Variants in ZNF433 observed in about 807,000 individuals in gnomAD.
ZNF433 encodes zinc finger protein 433.
ZNF433 carries 12 observed loss-of-function variants against 10.6 expected under a neutral mutation model. The ratio of observed to expected loss-of-function variants is 1.13; its 90% CI spans 0.72 to 1.83. ZNF433 has a LOEUF of 1.83. Among genes scored for constraint, ZNF433 ranks in the 40% most tolerant of loss-of-function variants. The pLI, the probability that ZNF433 is intolerant of heterozygous loss-of-function variation, is 0.00. For missense variants in ZNF433, 737 were observed against 798.0 expected (o/e 0.92, Z 0.92); for synonymous variants, 272 against 271.3 (o/e 1.00, Z -0.02).
In ZNF433 at chr19:12,016,276, A is replaced by C; in HGVS notation, c.582T>G (p.Pro194=). Residue 194 remains proline (P), a synonymous_variant, in exon 4 of 4, where the codon CCT becomes CCG. Coordinates refer to ENST00000550507, the MANE Select transcript of ZNF433 (RefSeq NM_001308348.2). ...RHRIMHRGDG[P]YKCKFCGKAL... is the part of the protein sequence containing the mutation. ...CTTTCCCACAAAATTTACACTTATA[A>C]GGTCCATCTCCACGGTGCATTATCC... The C allele has an allele frequency of 6.2e-7, 1 of 1,614,226 alleles. No homozygotes were observed. Among genetic ancestry groups the C allele is most frequent in the Non-Finnish European group, 8.5e-7 (1 of 1,180,028 alleles).
Position 12,035,518 on chromosome 19 carries a change from C to G in ZNF433, c.3+19G>C. ...ACCAGCTCCTCCCCCGCCTCGGGAC[C>G]CCTGGCCCGCACGCTCACCATTTCT... On this transcript the variant is annotated intron_variant, in intron 1 of 3. Coordinates refer to ENST00000550507, the MANE Select transcript of ZNF433 (RefSeq NM_001308348.2). The G allele has an allele frequency of 6.4e-7, 1 of 1,571,152 alleles. No homozygotes were observed. Among genetic ancestry groups the G allele is most frequent in the Non-Finnish European group, 8.6e-7 (1 of 1,158,294 alleles).
intron 1 of ZNF433, among the ~76,000 whole-genome samples, chr19:12,020,287 A>G (rs1331536998): frequency 6.6e-6 from 1 of 152,116 alleles, no homozygotes; most frequent in East Asian, 1.9e-4. Flanking sequence ...AATTTTAAAA[A>G]AAAAAAGCAA....
intron 1 of ZNF433, chr19:12,024,153 T>C (rs1456224329): frequency 6.6e-6 from 1 of 152,214 alleles, no homozygotes; most frequent in Non-Finnish European, 1.5e-5. Flanking sequence ...CTTGGAATTC[T>C]CCAGTCTTCG....
intron 1 of ZNF433, chr19:12,022,336 G>A (rs973890209): frequency 4.2e-6 from 1 of 239,514 alleles, no homozygotes; most frequent in East Asian, 8.6e-5. Context: ...CAGAAACAAT[G>A]CTTATCACTG....
At chr19:12,021,224 A>G (rs1974480011) in intron 1 of ZNF433, among the ~76,000 whole-genome samples, 2 of 151,646 alleles carry the variant, frequency 1.3e-5, no homozygotes, top group African/African-American at 2.4e-5. Context: ...CTCGTGATTC[A>G]CCCACCTCAG....
At chr19:12,026,900 A>G (rs753760309) in intron 1 of ZNF433, 10 of 453,970 alleles carry the variant, frequency 2.2e-5, no homozygotes, top group Non-Finnish European at 3.1e-5. Flanking sequence ...AAGAGTTCCT[A>G]TTATCTGGAA....
chr19:12,032,463 T>C (rs745344503), intron 1 of ZNF433, among the ~76,000 whole-genome samples: 4 of 150,286 alleles, frequency 2.7e-5, no homozygotes, highest in Non-Finnish European at 5.9e-5. Flanking sequence ...TATTAAGAAA[T>C]GGAATATAAG....
rs562514214 is a variant in ZNF433 at position 12,017,202 on chromosome 19, T to C, written c.192-536A>G. ...CTGAATACTGTTTTTTGGTTTTTTT[T>C]GTTTTGTTTTGTTTTTTTGAGATGG... On this transcript the variant is annotated intron_variant, in intron 3 of 3. Coordinates refer to ENST00000550507, the MANE Select transcript of ZNF433 (RefSeq NM_001308348.2). 9.2e-5 allele frequency among the ~76,000 whole-genome samples: 14 copies of C among 151,904 alleles called. 1 individual carries two copies. In the South Asian group the frequency reaches 2.9e-3, roughly 32 times the overall value.
intron 1 of ZNF433, among the ~76,000 whole-genome samples, chr19:12,034,091 A>G (rs1975163843): frequency 6.6e-6 from 1 of 152,232 alleles, no homozygotes; most frequent in Non-Finnish European, 1.5e-5. Context: ...ATCTTGGCCA[A>G]GAACATGGAA....
intron 1 of ZNF433, chr19:12,025,826 T>C (rs1974705635): frequency 6.6e-6 from 1 of 152,236 alleles, no homozygotes; most frequent in Admixed American, 6.5e-5. Context: ...CAGGCTATAC[T>C]AGCCAAGCTC....
At chr19:12,019,052 TAAAAAAAAAAAAA>T (rs754859866) in intron 1 of ZNF433, among the ~76,000 whole-genome samples, 1 of 62,812 alleles carries the variant, frequency 1.6e-5, no homozygotes, top group African/African-American at 5.2e-5. Flanking sequence ...TCCATCTTAA[TAAAAAAAAAAAAA>T]AAAAAAAAAA....
intron 1 of ZNF433, among the ~76,000 whole-genome samples, chr19:12,022,820 T>G (rs1332438238): frequency 6.6e-6 from 1 of 152,146 alleles, no homozygotes; most frequent in Admixed American, 6.5e-5. Context: ...CTGCACCCCC[T>G]CCTTATTTTG....
chr19:12,034,899 A>G (rs1311796276), intron 1 of ZNF433: 3 of 454,572 alleles, frequency 6.6e-6, no homozygotes, highest in South Asian at 4.7e-5. Flanking sequence ...AACAGTCTTG[A>G]GCCGCCTCGG....
rs79787738 is a variant in ZNF433, at chr19:12,016,555, G to A, written c.303C>T (p.Cys101=). The A allele has an allele frequency of 8.5e-4, 1,366 of 1,614,030 alleles. 12 individuals carry two copies. The African/African-American group carries it at 0.016, about 19-fold the overall frequency. Residue 101 remains cysteine, a synonymous_variant, in exon 4 of 4, where the codon TGC becomes TGT. Coordinates refer to ENST00000550507, the MANE Select transcript of ZNF433 (RefSeq NM_001308348.2). ...LKKTTTGVKS[C]ESSVYGEVGS... is the part of the protein sequence containing the mutation. Reference sequence around the variant, plus strand: ...CTACTTCTCCATACACACTGCTTTCGCATGATTTTACTCCAGTAGTTGTTT... The same window carrying A: ...CTACTTCTCCATACACACTGCTTTCACATGATTTTACTCCAGTAGTTGTTT...
chr19:12,031,315 A>C (rs1318287085), intron 1 of ZNF433, among the ~76,000 whole-genome samples: 5 of 124,980 alleles, frequency 4.0e-5, no homozygotes, highest in South Asian at 4.4e-4. Flanking sequence ...AAAAAACAAA[A>C]CAAAAAAAAA....
chr19:12,034,386 C>A (rs1462479599), intron 1 of ZNF433, among the ~76,000 whole-genome samples: 1 of 152,104 alleles, frequency 6.6e-6, no homozygotes, highest in East Asian at 1.9e-4. Flanking sequence ...CAGCTGGAAC[C>A]CTCCCACACT....
At chr19:12,029,623 T>C (rs1479370222) in intron 1 of ZNF433, among the ~76,000 whole-genome samples, 1 of 144,676 alleles carries the variant, frequency 6.9e-6, no homozygotes, top group African/African-American at 2.5e-5. Context: ...CTCCAAATCA[T>C]ACAGTGACAC....
chr19:12,033,457 T>G (rs899527138), intron 1 of ZNF433, among the ~76,000 whole-genome samples: 2 of 151,938 alleles, frequency 1.3e-5, no homozygotes, highest in Admixed American at 1.3e-4. Context: ...AGGTGGAGCT[T>G]GCAGTGAGCA....
chr19:12,020,282 T>A (rs157186), intron 1 of ZNF433, among the ~76,000 whole-genome samples: 27,007 of 145,404 alleles, frequency 0.19, 4,789 homozygotes, highest in African/African-American at 0.48. Flanking sequence ...AAAAAAATTT[T>A]AAAAAAAAAA....
Sources: gnomAD v4.1 joint callset for allele counts (sites outside exome capture counted in the v4.1 genomes callset) on GRCh38, gnomAD v4.1.1 for gene constraint, MANE v1.5 for transcripts, NCBI Gene and HGNC (gene_info 2026-07-23, HGNC 2026-07-21) for gene names.